Variants in NKAIN2 observed in about 807,000 individuals in gnomAD.
NKAIN2 encodes the protein sodium/potassium-transporting ATPase subunit beta-1-interacting protein 2.
In NKAIN2, 14 loss-of-function variants were observed where a neutral mutation model predicts 32.6. The ratio of observed to expected loss-of-function variants is 0.43; its 90% CI spans 0.28 to 0.67. The LOEUF (loss-of-function observed/expected upper bound fraction) is 0.67, where lower values mean the gene tolerates loss of function less well. NKAIN2 is among the 30% of genes least tolerant of loss of function. The pLI is 0.17. For missense variants in NKAIN2, 198 were observed against 258.3 expected (o/e 0.77, Z 1.60); for synonymous variants, 80 against 87.2 (o/e 0.92, Z 0.46).
chr6:124,356,006 A>G, intron 3 of NKAIN2, among the ~76,000 whole-genome samples: 1 of 152,192 alleles, frequency 6.6e-6, no homozygotes, highest in East Asian at 1.9e-4. Flanking sequence ...AAGAAGTCAA[A>G]TGAGGTAATC....
chr6:124,265,034 G>C (rs1428833686), intron 1 of NKAIN2, among the ~76,000 whole-genome samples: 1 of 152,030 alleles, frequency 6.6e-6, no homozygotes, highest in African/African-American at 2.4e-5. Flanking sequence ...CATATAAGCT[G>C]TATGTATATT....
intron 2 of NKAIN2, among the ~76,000 whole-genome samples, chr6:124,343,954 TA>T (rs1798272857): frequency 6.6e-6 from 1 of 150,786 alleles, no homozygotes; most frequent in South Asian, 2.2e-4. Context: ...CTAAAGTTTT[TA>T]TGGTTTTAGG....
At chr6:124,504,729 G>A (rs1778411076) in intron 3 of NKAIN2, among the ~76,000 whole-genome samples, 1 of 152,200 alleles carries the variant, frequency 6.6e-6, no homozygotes. Context: ...TCTACAGTAT[G>A]TATGTATTAG....
chr6:124,019,757 A>G (rs949381581), intron 1 of NKAIN2, among the ~76,000 whole-genome samples: 2 of 152,098 alleles, frequency 1.3e-5, no homozygotes, highest in Non-Finnish European at 2.9e-5. Flanking sequence ...CAGCATACAG[A>G]TAAATTAATG....
chr6:124,431,096 G>T (rs1279583030), intron 3 of NKAIN2, among the ~76,000 whole-genome samples: 3 of 152,144 alleles, frequency 2.0e-5, no homozygotes, highest in African/African-American at 4.8e-5. Context: ...TTCCTAGAGA[G>T]ATTTTACAAA....
intron 1 of NKAIN2, among the ~76,000 whole-genome samples, chr6:124,136,073 A>T (rs1474479523): frequency 6.6e-6 from 1 of 152,212 alleles, no homozygotes. Context: ...AACACAAAAG[A>T]TAAATGAAAC....
At chr6:124,638,618 G>C (rs554139593) in intron 3 of NKAIN2, among the ~76,000 whole-genome samples, 1 of 151,950 alleles carries the variant, frequency 6.6e-6, no homozygotes, top group East Asian at 1.9e-4. Context: ...AAAGAGGGCC[G>C]GGCGCGGTGG....
chr6:124,823,237 G>T lies in NKAIN2; in HGVS notation c.*8G>T. The stretch of plus-strand genomic sequence containing the variant: ...TCTCTCAGGTCAAAATAATACAGAT[G>T]ACTTCAGTATGTCAGCCCATGGACC... On this transcript the variant is annotated 3_prime_UTR_variant, in exon 7 of 7. Transcript: ENST00000368417. The T allele has an allele frequency of 6.3e-7, 1 of 1,593,594 alleles. No homozygotes were observed. The highest frequency in any genetic ancestry group is 1.1e-5 in the South Asian group (1 of 90,678).
intron 2 of NKAIN2, among the ~76,000 whole-genome samples, chr6:124,326,141 C>A (rs1316980717): frequency 6.9e-6 from 1 of 145,052 alleles, no homozygotes; most frequent in East Asian, 2.1e-4. Flanking sequence ...TTAATTCCTT[C>A]TGAAGGATTT....
At chr6:123,809,283 T>C in intron 1 of NKAIN2, among the ~76,000 whole-genome samples, 1 of 152,266 alleles carries the variant, frequency 6.6e-6, no homozygotes, top group Non-Finnish European at 1.5e-5. Flanking sequence ...TTGATTGTTG[T>C]TTATTATCAA....
At chr6:124,313,423 A>ATATTCTCATTAGTTCAGTT (rs1282684722) in intron 2 of NKAIN2, among the ~76,000 whole-genome samples, 1 of 152,116 alleles carries the variant, frequency 6.6e-6, no homozygotes, top group East Asian at 1.9e-4. Flanking sequence ...TCAGATATTA[A>ATATTCTCATTAGTTCAGTT]TATTCTCATT....
chr6:124,344,677 T>G (rs200058837), intron 2 of NKAIN2, among the ~76,000 whole-genome samples: 19 of 152,262 alleles, frequency 1.2e-4, no homozygotes, highest in African/African-American at 2.6e-4. Flanking sequence ...TTTGCACATT[T>G]ATTTTGTATC....
chr6:123,999,149 T>G (rs1779772016), intron 1 of NKAIN2, among the ~76,000 whole-genome samples: 1 of 152,126 alleles, frequency 6.6e-6, no homozygotes, highest in Non-Finnish European at 1.5e-5. Context: ...CATGAATTAA[T>G]GCAAATGGTA....
chr6:124,525,141 T>C (rs543717433), intron 3 of NKAIN2, among the ~76,000 whole-genome samples: 3 of 152,184 alleles, frequency 2.0e-5, no homozygotes, highest in East Asian at 3.9e-4. Context: ...TAGGGAGAGA[T>C]AGGAAAAAAG....
At chr6:124,560,618 C>T (rs1780654197) in intron 3 of NKAIN2, among the ~76,000 whole-genome samples, 1 of 152,148 alleles carries the variant, frequency 6.6e-6, no homozygotes, top group Non-Finnish European at 1.5e-5. Context: ...AACGATGAGG[C>T]TACCCTGTAT....
chr6:124,722,729 G>T (rs896235227), intron 4 of NKAIN2, among the ~76,000 whole-genome samples: 1 of 152,150 alleles, frequency 6.6e-6, no homozygotes, highest in East Asian at 1.9e-4. Flanking sequence ...GGGGAAAGGG[G>T]GACCCCTGGC....
intron 1 of NKAIN2, among the ~76,000 whole-genome samples, chr6:124,024,067 T>G (rs1306271595): frequency 1.3e-5 from 2 of 152,028 alleles, no homozygotes; most frequent in Non-Finnish European, 2.9e-5. Flanking sequence ...GTTAAAAAAA[T>G]GGGAAAGATG....
intron 2 of NKAIN2, among the ~76,000 whole-genome samples, chr6:124,295,561 G>A (rs984957540): frequency 2.6e-5 from 4 of 152,012 alleles, no homozygotes; most frequent in Admixed American, 6.6e-5. Context: ...GAAACTCACC[G>A]ATTAGGAAGG....
chr6:124,399,219 G>C (rs1251912679), intron 3 of NKAIN2, among the ~76,000 whole-genome samples: 1 of 152,124 alleles, frequency 6.6e-6, no homozygotes, highest in Non-Finnish European at 1.5e-5. Context: ...GAGCCACCAG[G>C]CTTGGCCTTT....
Sources: allele counts gnomAD v4.1 joint callset (sites outside exome capture counted in the v4.1 genomes callset), GRCh38; gene constraint gnomAD v4.1.1; transcripts MANE v1.5; gene names NCBI Gene and HGNC (gene_info 2026-07-23, HGNC 2026-07-21).